The following SUPT3H variants were observed in gnomAD, a reference collection of about 807,000 sequenced individuals.
SUPT3H encodes transcription initiation protein SPT3 homolog.
A neutral mutation model predicts 44.3 loss-of-function variants in SUPT3H; 44 were observed. That is an observed-to-expected ratio of 0.99 (90% CI 0.78 to 1.28). The LOEUF (loss-of-function observed/expected upper bound fraction) is 1.28, where lower values mean the gene tolerates loss of function less well. SUPT3H is among the 50% of genes most tolerant of loss of function. The pLI, the probability that SUPT3H is intolerant of heterozygous loss-of-function variation, is 0.00. For synonymous variants in SUPT3H, 124 were observed against 125.6 expected (o/e 0.99, Z 0.09); for missense variants, 380 against 387.1 (o/e 0.98, Z 0.15).
chr6:44,936,800 TG>T (rs2153463449), intron 9 of SUPT3H, among the ~76,000 whole-genome samples: 1 of 152,254 alleles, frequency 6.6e-6, no homozygotes, highest in Admixed American at 6.5e-5. Flanking sequence ...CCCAAATAGC[TG>T]GGACTACAGG....
intron 10 of SUPT3H, among the ~76,000 whole-genome samples, chr6:44,832,171 A>C (rs551115455): frequency 1.3e-5 from 2 of 152,150 alleles, no homozygotes; most frequent in Admixed American, 1.3e-4. Context: ...CATGCTTTCC[A>C]GAATAAGCAA....
intron 2 of SUPT3H, among the ~76,000 whole-genome samples, chr6:45,321,295 T>C (rs553058777): frequency 1.2e-4 from 19 of 152,298 alleles, no homozygotes; most frequent in Admixed American, 1.1e-3. Flanking sequence ...TCCTCAAGTA[T>C]GATTTCCATT....
chr6:45,150,733 T>TC (rs1334869361), intron 2 of SUPT3H, among the ~76,000 whole-genome samples: 1 of 144,880 alleles, frequency 6.9e-6, no homozygotes, highest in Non-Finnish European at 1.5e-5. Flanking sequence ...TTTTTTTTTT[T>TC]TTTTTTTAAG....
intron 5 of SUPT3H, among the ~76,000 whole-genome samples, chr6:45,007,711 C>T (rs1454534143): frequency 4.0e-5 from 6 of 151,702 alleles, no homozygotes; most frequent in African/African-American, 9.7e-5. Flanking sequence ...GTGCATTACT[C>T]CCCTCACCCT....
intron 2 of SUPT3H, among the ~76,000 whole-genome samples, chr6:45,354,633 A>G (rs1206928018): frequency 3.9e-5 from 1 of 25,322 alleles, no homozygotes; most frequent in African/African-American, 1.9e-4. Flanking sequence ...GCACACATAC[A>G]CACACACACA....
At chr6:44,844,015 A>C (rs1771457867) in intron 10 of SUPT3H, among the ~76,000 whole-genome samples, 1 of 152,114 alleles carries the variant, frequency 6.6e-6, no homozygotes, top group Non-Finnish European at 1.5e-5. Context: ...TTAAAGCTAA[A>C]GTAATCAAGT....
intron 3 of SUPT3H, among the ~76,000 whole-genome samples, chr6:45,025,801 T>C (rs758712436): frequency 2.0e-5 from 3 of 149,992 alleles, no homozygotes; most frequent in Non-Finnish European, 2.9e-5. Context: ...GAGAATGGCG[T>C]GAACCCAAGA....
chr6:45,212,481 ATGTGTGTGTGTGTGTGTGTGTGTGTG>A (rs11269206), intron 2 of SUPT3H, among the ~76,000 whole-genome samples: 167 of 43,448 alleles, frequency 3.8e-3, no homozygotes, highest in African/African-American at 0.02. Context: ...CACCTCCACT[ATGTGTGTGTGTGTGTGTGTGTGTGTG>A]TGTGTGTGTG....
At chr6:45,119,983 AGGAT>A (rs141344806) in intron 2 of SUPT3H, among the ~76,000 whole-genome samples, 176 of 152,312 alleles carry the variant, frequency 1.2e-3, no homozygotes, top group African/African-American at 4.0e-3. Context: ...ATACATACTG[AGGAT>A]TTACTGTTTG....
At chr6:45,020,513 G>A in intron 4 of SUPT3H, 33 bp downstream of exon 4, 1 of 1,523,620 alleles carries the variant, frequency 6.6e-7, no homozygotes, top group Non-Finnish European at 9.0e-7. Context: ...AACAAAACGT[G>A]GATTTTAATA....
intron 2 of SUPT3H, among the ~76,000 whole-genome samples, chr6:45,108,445 ATGTG>A (rs1799579277): frequency 1.3e-5 from 2 of 152,202 alleles, no homozygotes; most frequent in South Asian, 4.1e-4. Flanking sequence ...TCTTATATGT[ATGTG>A]TGTATCTCCT....
At chr6:45,292,513 T>G (rs1780474551) in intron 2 of SUPT3H, among the ~76,000 whole-genome samples, 1 of 151,966 alleles carries the variant, frequency 6.6e-6, no homozygotes. Flanking sequence ...GGCCTAAATG[T>G]TCCACTTAGA....
rs558206609 is a variant in SUPT3H, at chr6:45,275,721, T to C, written c.101+89480A>G. Among the ~76,000 whole-genome samples, 4 of 152,278 alleles carry C rather than the reference T, an allele frequency of 2.6e-5. No individual in the cohort carries two copies. The South Asian group carries it at 8.3e-4, about 32-fold the overall frequency. On this transcript the variant is annotated intron_variant, in intron 2 of 10. Transcript: ENST00000371459. ...ATACTTTGGTTAGGTAAGTTGTTAA[T>C]ATTAGGGGAAGTTGGGTGAAGAGAA...
At chr6:45,345,137 T>C (rs1037959212) in intron 2 of SUPT3H, among the ~76,000 whole-genome samples, 2 of 152,166 alleles carry the variant, frequency 1.3e-5, no homozygotes, top group African/African-American at 4.8e-5. Flanking sequence ...GAGATATTAA[T>C]ACAAGATGTC....
At chr6:45,176,125 G>A (rs561623604) in intron 2 of SUPT3H, among the ~76,000 whole-genome samples, 20 of 152,028 alleles carry the variant, frequency 1.3e-4, no homozygotes, top group Admixed American at 3.9e-4. Context: ...CGTGAGCGAC[G>A]CAGAAGACGG....
intron 2 of SUPT3H, among the ~76,000 whole-genome samples, chr6:45,253,948 C>T (rs1038220705): frequency 3.4e-5 from 5 of 148,542 alleles, no homozygotes; most frequent in Non-Finnish European, 7.4e-5. Context: ...TATATACACA[C>T]GTACACATGC....
At position 44,829,703 on chromosome 6, in the gene SUPT3H, G is replaced by A; in HGVS notation, c.*113C>T. On this transcript the variant is annotated 3_prime_UTR_variant, in exon 11 of 11. Transcript: ENST00000371459. ...GCAAGTTGAAAGTCACAACAGACCA[G>A]CCCACTCCCTCAGATAAAAGAAAGG... 4 of 1,221,580 alleles carry A rather than the reference G, an allele frequency of 3.3e-6. No homozygotes were observed. The highest frequency in any genetic ancestry group is 4.7e-6 in the Non-Finnish European group (4 of 848,912). 75.7% of individuals were successfully genotyped at this position (1,221,580 alleles called of 1,614,324 possible).
rs524492 is a variant in SUPT3H, at chr6:44,828,859, C to T, written c.*957G>A. 47,674 of 152,390 alleles carry T rather than the reference C, an allele frequency of 0.31. 7,729 individuals are homozygous for T. Among genetic ancestry groups the T allele is most frequent in the Admixed American group, 0.41 (6,325 of 15,272 alleles). 9.4% of individuals were successfully genotyped at this position (152,390 alleles called of 1,614,324 possible). A position where few individuals can be genotyped will look rare whatever the true frequency, so the allele number is the denominator to read the frequency against. ...AAAGAAATAACTTTCTTTTTTGCAA[C>T]TGAAGTTTAATCAGGAACTGTACAA... On this transcript the variant is annotated 3_prime_UTR_variant, in exon 11 of 11. Coordinates refer to ENST00000371459, the MANE Select transcript of SUPT3H (RefSeq NM_003599.4).
At chr6:45,108,577 A>G (rs2153572738) in intron 2 of SUPT3H, among the ~76,000 whole-genome samples, 1 of 152,300 alleles carries the variant, frequency 6.6e-6, no homozygotes, top group Middle Eastern at 3.4e-3. Context: ...AGAAAATGAA[A>G]AAAGAAAACC....
Sources: allele counts gnomAD v4.1 joint callset (sites outside exome capture counted in the v4.1 genomes callset), GRCh38; gene constraint gnomAD v4.1.1; transcripts MANE v1.5; gene names NCBI Gene and HGNC (gene_info 2026-07-23, HGNC 2026-07-21).